Variants in THRB observed in about 807,000 individuals in gnomAD.
THRB encodes the protein nuclear receptor subfamily 1 group A member 2.
A neutral mutation model predicts 47.8 loss-of-function variants in THRB; 12 were observed. That is an observed-to-expected ratio of 0.25 (90% confidence interval 0.16 to 0.41). The LOEUF is 0.41. Ranked by LOEUF, THRB falls within the 10% of genes least tolerant of loss-of-function variation. THRB has a pLI of 1.00. For synonymous variants in THRB, 218 were observed against 212.2 expected, an observed-to-expected ratio of 1.03 and a Z score of -0.24; for missense variants, 348 against 589.2, an observed-to-expected ratio of 0.59 and a Z score of 4.24.
chr3:24,402,497 T>TA (rs2067489407), intron 1 of THRB, among the ~76,000 whole-genome samples: 1 of 46,570 alleles, frequency 2.1e-5, no homozygotes, highest in African/African-American at 8.1e-5. Context: ...CCTTCTTTCT[T>TA]CCTTTTTTTT....
intron 3 of THRB, among the ~76,000 whole-genome samples, chr3:24,262,921 A>G (rs764597070): frequency 3.9e-5 from 6 of 152,164 alleles, no homozygotes; most frequent in Non-Finnish European, 8.8e-5. Context: ...GCAGATACTC[A>G]ATACATTTAT....
rs78955863 is a variant in THRB, at chr3:24,364,951, C to A, written c.-260-27580G>T. ...TACATATCTATGTGTAAATACCTAGCTTTTTCATATCAGAATGCCCATTTT... is the reference window on the plus strand; with the variant it reads ...TACATATCTATGTGTAAATACCTAGATTTTTCATATCAGAATGCCCATTTT... On this transcript the variant is annotated intron_variant, in intron 1 of 10. Coordinates refer to ENST00000646209, the MANE Select transcript of THRB (RefSeq NM_001354712.2). Among the ~76,000 whole-genome samples, 1,483 of 152,162 alleles carry A rather than the reference C, an allele frequency of 9.7e-3. 24 individuals are homozygous for A. Among genetic ancestry groups the A allele is most frequent in the African/African-American group, 0.034 (1,426 of 41,504 alleles).
At chr3:24,397,522 G>T (rs2067053055) in intron 1 of THRB, among the ~76,000 whole-genome samples, 1 of 151,578 alleles carries the variant, frequency 6.6e-6, no homozygotes, top group Non-Finnish European at 1.5e-5. Flanking sequence ...TGCAGTCACA[G>T]AGTAATTTTT....
rs368052019 is a variant in THRB, at chr3:24,187,173, CAACT to C, written c.283+2897_283+2900del. 4.9e-4 allele frequency among the ~76,000 whole-genome samples: 75 copies of C among 152,272 alleles called. 1 individual carries two copies. The highest frequency in any genetic ancestry group is 3.7e-3 in the Admixed American group (57 of 15,300). ...CTGACCAGGCAAGTTTGACAATCCC[CAACT>C]AACTGTCTATATCCTGTTCAGTGAA... On this transcript the variant is annotated intron_variant, in intron 5 of 10. Transcript: ENST00000646209.
At chr3:24,336,427 T>A (rs377154612) in intron 2 of THRB, among the ~76,000 whole-genome samples, 31 of 152,258 alleles carry the variant, frequency 2.0e-4, no homozygotes, top group African/African-American at 6.0e-4. Context: ...TGTCACCTTA[T>A]TACCAAAAAG....
At chr3:24,411,606 G>A (rs775553467) in intron 1 of THRB, among the ~76,000 whole-genome samples, 65 of 151,672 alleles carry the variant, frequency 4.3e-4, no homozygotes, top group African/African-American at 1.5e-3. Flanking sequence ...AATTTATTAC[G>A]CTACATGCTG....
chr3:24,315,681 C>A (rs1334694840), intron 2 of THRB, among the ~76,000 whole-genome samples: 1 of 152,198 alleles, frequency 6.6e-6, no homozygotes, highest in East Asian at 1.9e-4. Context: ...GGACAGCTAA[C>A]ACCTGACATG....
intron 2 of THRB, among the ~76,000 whole-genome samples, chr3:24,305,642 C>T (rs1319792587): frequency 6.6e-6 from 1 of 152,094 alleles, no homozygotes; most frequent in Non-Finnish European, 1.5e-5. Context: ...GGGTTGGAAG[C>T]ATTTTAATAT....
intron 4 of THRB, among the ~76,000 whole-genome samples, chr3:24,221,635 G>T (rs1487228734): frequency 6.6e-6 from 1 of 152,128 alleles, no homozygotes; most frequent in Non-Finnish European, 1.5e-5. Flanking sequence ...GAATACAGGG[G>T]TTGCTGAGAA....
chr3:24,173,581 G>A (rs183967443), intron 5 of THRB, among the ~76,000 whole-genome samples: 58 of 152,262 alleles, frequency 3.8e-4, no homozygotes, highest in African/African-American at 1.4e-3. Context: ...CAAGCTCTCT[G>A]CTTCCACCCA....
chr3:24,367,916 C>T (rs1322199184), intron 1 of THRB, among the ~76,000 whole-genome samples: 1 of 152,040 alleles, frequency 6.6e-6, no homozygotes, highest in Non-Finnish European at 1.5e-5. Flanking sequence ...GCCTGGGGCT[C>T]AATACAAGGA....
intron 2 of THRB, among the ~76,000 whole-genome samples, chr3:24,310,331 T>C (rs1263678347): frequency 1.3e-5 from 2 of 152,234 alleles, no homozygotes; most frequent in Non-Finnish European, 2.9e-5. Context: ...AATGATGTAC[T>C]TTGATTTCAT....
chr3:24,284,201 CA>C (rs1448587446), intron 3 of THRB, among the ~76,000 whole-genome samples: 2 of 150,522 alleles, frequency 1.3e-5, no homozygotes, highest in African/African-American at 4.9e-5. Flanking sequence ...CTACAGTAAC[CA>C]AAACAGCATG....
intron 1 of THRB, among the ~76,000 whole-genome samples, chr3:24,463,597 T>C (rs1253901025): frequency 6.6e-6 from 1 of 152,188 alleles, no homozygotes; most frequent in East Asian, 1.9e-4. Flanking sequence ...CCCGATACTA[T>C]ATTTTTCAAA....
At position 24,269,442 on chromosome 3, in the gene THRB, C is replaced by CATATACAT. The variant is rs58200122; in HGVS notation, c.-43+27783_-43+27784insATGTATAT. Reference sequence around the variant, plus strand: ...ACACACACACACACACACACACACACTTAAGTTATCTTCGCTGTGTTGTCC... The same window carrying CATATACAT: ...ACACACACACACACACACACACACACATATACATTTAAGTTATCTTCGCTGTGTTGTCC... On this transcript the variant is annotated intron_variant, in intron 3 of 10. Coordinates refer to ENST00000646209, the MANE Select transcript of THRB (RefSeq NM_001354712.2). Among the ~76,000 whole-genome samples, 270 of 141,066 alleles carry CATATACAT rather than the reference C, an allele frequency of 1.9e-3. 2 individuals carry two copies. Among genetic ancestry groups the CATATACAT allele is most frequent in the East Asian group, 9.8e-3 (45 of 4,584 alleles). The allele number at this position is 141,066 out of a possible 152,430, so 92.5% of individuals were successfully genotyped here.
intron 1 of THRB, among the ~76,000 whole-genome samples, chr3:24,402,309 G>T (rs942227790): frequency 3.9e-5 from 6 of 151,992 alleles, no homozygotes; most frequent in African/African-American, 1.4e-4. Context: ...TTCTTAATAT[G>T]TGAGGTTTAT....
At chr3:24,167,907 C>T (rs55980121) in intron 5 of THRB, among the ~76,000 whole-genome samples, 2,046 of 152,166 alleles carry the variant, frequency 0.013, 45 homozygotes, top group African/African-American at 0.046. Context: ...ATAAATACTG[C>T]AGTGAAAAAG....
chr3:24,399,695 G>T (rs916179267), intron 1 of THRB, among the ~76,000 whole-genome samples: 1 of 152,074 alleles, frequency 6.6e-6, no homozygotes, highest in Non-Finnish European at 1.5e-5. Context: ...CTGAAAAACA[G>T]CTTAAGAATG....
At chr3:24,471,867 T>C (rs941045319) in intron 1 of THRB, among the ~76,000 whole-genome samples, 1 of 152,212 alleles carries the variant, frequency 6.6e-6, no homozygotes. Flanking sequence ...ACAATCCTTA[T>C]GAGTAGGGAA....
Sources: gnomAD v4.1 joint callset for allele counts (sites outside exome capture counted in the v4.1 genomes callset) on GRCh38, gnomAD v4.1.1 for gene constraint, MANE v1.5 for transcripts, NCBI Gene and HGNC (gene_info 2026-07-23, HGNC 2026-07-21) for gene names.